The following MTCH2 variants were observed in gnomAD, a reference collection of about 807,000 sequenced individuals.
MTCH2 encodes mitochondrial carrier 2.
A neutral mutation model predicts 50.6 loss-of-function variants in MTCH2; 25 were observed. The observed-to-expected ratio is 0.49, with a 90% CI of 0.36 to 0.69. The LOEUF (loss-of-function observed/expected upper bound fraction) is 0.69, where lower values mean the gene tolerates loss of function less well. Among genes scored for constraint, MTCH2 ranks in the 30% least tolerant of loss-of-function variants. The probability of loss-of-function intolerance (pLI) is 0.00; values close to 1 mark genes in which losing one functional copy is unlikely to be tolerated. For synonymous variants in MTCH2, 106 were observed against 132.0 expected (o/e 0.80, Z 1.35); for missense variants, 273 against 384.4 (o/e 0.71, Z 2.42).
intron 11 of MTCH2, 21 bp from the exon 12 acceptor site, chr11:47,622,797 G>T (rs956993111): frequency 1.8e-6 from 2 of 1,103,676 alleles, no homozygotes; most frequent in East Asian, 6.6e-5. Flanking sequence ...AAAAAACATG[G>T]AGCTATTCAT....
intron 5 of MTCH2, 55 bp from the exon 6 acceptor site, chr11:47,631,766 T>C (rs1359619616): frequency 6.3e-7 from 1 of 1,581,300 alleles, no homozygotes; most frequent in African/African-American, 1.3e-5. Context: ...CTCAAATGCC[T>C]GTGAGAAGGA....
At chr11:47,622,669 A>G in intron 12 of MTCH2, 32 bp downstream of exon 12, 2 of 1,482,090 alleles carry the variant, frequency 1.3e-6, no homozygotes, top group Non-Finnish European at 1.8e-6. Context: ...ATAAAACAAA[A>G]TAAAATGAGA....
the MTCH2 span, among the ~76,000 whole-genome samples, chr11:47,607,451 C>T: frequency 1.3e-5 from 2 of 152,144 alleles, no homozygotes; most frequent in South Asian, 2.1e-4. Flanking sequence ...AGTGTGGGGG[C>T]GGAGGACAGG....
downstream of MTCH2, among the ~76,000 whole-genome samples, chr11:47,614,034 C>G (rs1270679824): frequency 6.6e-6 from 1 of 151,790 alleles, no homozygotes; most frequent in Non-Finnish European, 1.5e-5. Flanking sequence ...TGCAGTGAGC[C>G]GAGATCAGCC....
At chr11:47,606,666 T>C in the MTCH2 span, among the ~76,000 whole-genome samples, 1 of 152,290 alleles carries the variant, frequency 6.6e-6, no homozygotes, top group South Asian at 2.1e-4. Context: ...TTTTCTGGGA[T>C]TATTTATTTA....
At chr11:47,608,953 G>T in the MTCH2 span, among the ~76,000 whole-genome samples, 1 of 55,018 alleles carries the variant, frequency 1.8e-5, no homozygotes, top group Non-Finnish European at 3.2e-5. Context: ...GCAAGACTCT[G>T]TCTCAAAAAA....
At chr11:47,618,955 C>A (rs1256000333) in intron 12 of MTCH2, 36 bp from the exon 13 acceptor site, 2 of 1,579,220 alleles carry the variant, frequency 1.3e-6, no homozygotes, top group Admixed American at 1.7e-5. Flanking sequence ...CAAATAATAT[C>A]TAGCGAGATG....
rs577608987 is a variant in MTCH2 at position 47,620,076 on chromosome 11, CAAACAAAACA to C, written c.826-1167_826-1158del. On this transcript the variant is annotated intron_variant, in intron 12 of 12. Coordinates refer to ENST00000302503, the MANE Select transcript of MTCH2 (RefSeq NM_014342.4). ...TGGATGACAGAGCAAGCCTCCGTCT[CAAACAAAACA>C]AAACAAAACAAAACAAAAAAACAAA... 7.9e-5 allele frequency among the ~76,000 whole-genome samples: 12 copies of C among 151,276 alleles called. No homozygotes were observed. In the South Asian group the frequency reaches 1.0e-3, roughly 13 times the overall value.
chr11:47,634,201 G>A (rs2097306359), intron 5 of MTCH2, among the ~76,000 whole-genome samples: 2 of 152,150 alleles, frequency 1.3e-5, no homozygotes, highest in South Asian at 4.1e-4. Flanking sequence ...GCAGCCTCTC[G>A]AGTACCTGGG....
intron 12 of MTCH2, among the ~76,000 whole-genome samples, chr11:47,621,239 A>G (rs1420575868): frequency 1.3e-5 from 2 of 152,178 alleles, no homozygotes; most frequent in South Asian, 2.1e-4. Flanking sequence ...AGGCCTTTTC[A>G]TTCAGATTTC....
intron 4 of MTCH2, among the ~76,000 whole-genome samples, chr11:47,635,028 C>T (rs1370373523): frequency 2.0e-5 from 3 of 152,138 alleles, no homozygotes; most frequent in Admixed American, 1.3e-4. Flanking sequence ...CTGCCTCGGC[C>T]TCCCAAAGTG....
the MTCH2 span, among the ~76,000 whole-genome samples, chr11:47,611,605 C>A: frequency 6.6e-6 from 1 of 152,208 alleles, no homozygotes; most frequent in East Asian, 1.9e-4. Context: ...GTCCACGTGT[C>A]ATCTTGGAGA....
chr11:47,615,581 CAG>C (rs770292841), downstream of MTCH2, among the ~76,000 whole-genome samples: 132 of 150,974 alleles, frequency 8.7e-4, no homozygotes, highest in Non-Finnish European at 1.5e-3. Context: ...GCTGAGGTAA[CAG>C]AGATGATGGA....
At chr11:47,633,832 C>A (rs914559276) in intron 5 of MTCH2, among the ~76,000 whole-genome samples, 5 of 151,310 alleles carry the variant, frequency 3.3e-5, no homozygotes, top group African/African-American at 1.2e-4. Flanking sequence ...CCACTGCGCC[C>A]AGCCTTTGGA....
At chr11:47,633,522 ATATATTTTTT>A (rs1177621467) in intron 5 of MTCH2, among the ~76,000 whole-genome samples, 3,044 of 26,084 alleles carry the variant, frequency 0.12, 21 homozygotes, top group Non-Finnish European at 0.15. Flanking sequence ...ATATATATAT[ATATATTTTTT>A]TTTTTTTTTT....
At chr11:47,624,349 G>A (rs2097296103) in intron 11 of MTCH2, among the ~76,000 whole-genome samples, 1 of 151,764 alleles carries the variant, frequency 6.6e-6, no homozygotes, top group African/African-American at 2.4e-5. Flanking sequence ...AACCAATACA[G>A]AGAAAAGGTC....
intron 11 of MTCH2, among the ~76,000 whole-genome samples, chr11:47,624,962 C>A (rs2097296637): frequency 2.0e-5 from 3 of 151,998 alleles, no homozygotes; most frequent in African/African-American, 7.3e-5. Flanking sequence ...GTGGCACATG[C>A]CTGTAATCAC....
At chr11:47,636,291 G>T (rs1268951292) in intron 3 of MTCH2, among the ~76,000 whole-genome samples, 1 of 152,052 alleles carries the variant, frequency 6.6e-6, no homozygotes, top group African/African-American at 2.4e-5. Flanking sequence ...AAAATTAGCT[G>T]GGCTTGGTGG....
chr11:47,626,014 C>CT (rs879766632), intron 10 of MTCH2, among the ~76,000 whole-genome samples: 64 of 146,102 alleles, frequency 4.4e-4, no homozygotes, highest in Middle Eastern at 7.1e-3. Context: ...TACCCAACTA[C>CT]TTTTTTTTTT....
Sources: gnomAD v4.1 joint callset for allele counts (sites outside exome capture counted in the v4.1 genomes callset) on GRCh38, gnomAD v4.1.1 for gene constraint, MANE v1.5 for transcripts, NCBI Gene and HGNC (gene_info 2026-07-23, HGNC 2026-07-21) for gene names.